The following PTPRD variants were observed in gnomAD, a reference collection of about 807,000 sequenced individuals.
PTPRD encodes receptor-type tyrosine-protein phosphatase delta.
A neutral mutation model predicts 214.5 loss-of-function variants in PTPRD; 34 were observed. That is an observed-to-expected ratio of 0.16 (90% CI 0.12 to 0.21). The LOEUF (loss-of-function observed/expected upper bound fraction) is 0.21, where lower values mean the gene tolerates loss of function less well. Among genes scored for constraint, PTPRD ranks in the 10% least tolerant of loss-of-function variants. The pLI is 1.00. For missense variants in PTPRD, 2,545 were observed against 2,398.7 expected (o/e 1.06, Z -1.27); for synonymous variants, 1,128 against 845.7 (o/e 1.33, Z -5.79).
chr9:9,368,826 C>G (rs2058613150), intron 9 of PTPRD, among the ~76,000 whole-genome samples: 1 of 151,730 alleles, frequency 6.6e-6, no homozygotes, highest in Non-Finnish European at 1.5e-5. Context: ...TACATGTGTA[C>G]ACATGTGCCA....
At chr9:8,705,479 AGGT>A (rs2098186259) in intron 12 of PTPRD, among the ~76,000 whole-genome samples, 1 of 152,224 alleles carries the variant, frequency 6.6e-6, no homozygotes, top group Non-Finnish European at 1.5e-5. Flanking sequence ...CCAGAAGTTA[AGGT>A]ATCAAGTAAT....
At chr9:8,880,679 C>T (rs1462157169) in intron 11 of PTPRD, among the ~76,000 whole-genome samples, 3 of 151,906 alleles carry the variant, frequency 2.0e-5, no homozygotes, top group Admixed American at 6.6e-5. Context: ...GAGCAAGAAG[C>T]GATTATTCAT....
intron 2 of PTPRD, among the ~76,000 whole-genome samples, chr9:10,479,491 A>T (rs1409815002): frequency 1.3e-5 from 2 of 152,242 alleles, no homozygotes; most frequent in East Asian, 3.9e-4. Context: ...TTTAAACCAC[A>T]CATTTTGAAG....
intron 2 of PTPRD, among the ~76,000 whole-genome samples, chr9:10,577,998 G>A (rs1220677031): frequency 4.7e-5 from 7 of 149,440 alleles, no homozygotes; most frequent in Non-Finnish European, 1.0e-4. Flanking sequence ...TGCAACCTCC[G>A]CCTCCCAGGT....
intron 3 of PTPRD, among the ~76,000 whole-genome samples, chr9:10,140,461 G>C (rs2382194): frequency 0.25 from 37,802 of 151,150 alleles, 4,928 homozygotes; most frequent in South Asian, 0.41. Context: ...TCAGAGAATA[G>C]TATAAACACC....
intron 5 of PTPRD, among the ~76,000 whole-genome samples, chr9:9,920,102 A>G (rs1424679483): frequency 6.6e-6 from 1 of 152,156 alleles, no homozygotes; most frequent in East Asian, 1.9e-4. Context: ...TAAGTTTTAC[A>G]TTTAAATCAG....
At chr9:8,353,872 A>G (rs1220040711) in intron 39 of PTPRD, among the ~76,000 whole-genome samples, 1 of 145,864 alleles carries the variant, frequency 6.9e-6, no homozygotes, top group South Asian at 2.1e-4. Context: ...ATATGTATAT[A>G]TGTATATATG....
At chr9:9,742,383 T>C (rs977495398) in intron 6 of PTPRD, among the ~76,000 whole-genome samples, 12 of 152,144 alleles carry the variant, frequency 7.9e-5, no homozygotes, top group Non-Finnish European at 1.8e-4. Context: ...TCACCTTTCG[T>C]AGAGAAATGT....
chr9:10,110,280 A>C (rs532236143), intron 3 of PTPRD, among the ~76,000 whole-genome samples: 49 of 152,280 alleles, frequency 3.2e-4, no homozygotes, highest in Non-Finnish European at 4.9e-4. Context: ...TTGGAATTTC[A>C]TTCTCTACCA....
chr9:9,569,308 C>G (rs1477860518), intron 8 of PTPRD, among the ~76,000 whole-genome samples: 1 of 151,466 alleles, frequency 6.6e-6, no homozygotes, highest in Non-Finnish European at 1.5e-5. Context: ...AAGGGAAGAA[C>G]TGAGCCACAA....
chr9:10,307,696 C>T (rs1047363157), intron 3 of PTPRD, among the ~76,000 whole-genome samples: 3 of 151,954 alleles, frequency 2.0e-5, no homozygotes, highest in Non-Finnish European at 4.4e-5. Context: ...CCCTTAAATA[C>T]TGGATGTAAA....
chr9:8,621,466 C>CAAACCCCAGTCGTACTGGGCA (rs780035237), intron 14 of PTPRD, among the ~76,000 whole-genome samples: 1 of 151,928 alleles, frequency 6.6e-6, no homozygotes, highest in Admixed American at 6.6e-5. Flanking sequence ...AAGATTGGCT[C>CAAACCCCAGTCGTACTGGGCA]AAACCCCAGT....
chr9:10,583,979 G>C (rs2073017984), intron 2 of PTPRD, among the ~76,000 whole-genome samples: 1 of 152,116 alleles, frequency 6.6e-6, no homozygotes, highest in South Asian at 2.1e-4. Flanking sequence ...AGGTACACCA[G>C]TAACAATTCT....
chr9:9,187,597 T>C (rs1055834447), intron 9 of PTPRD, among the ~76,000 whole-genome samples: 1 of 151,958 alleles, frequency 6.6e-6, no homozygotes, highest in African/African-American at 2.4e-5. Context: ...TGCTTCCCTC[T>C]CTTTCCCTCT....
intron 8 of PTPRD, among the ~76,000 whole-genome samples, chr9:9,521,350 CACTT>C (rs2096967266): frequency 6.6e-6 from 1 of 152,240 alleles, no homozygotes; most frequent in South Asian, 2.1e-4. Flanking sequence ...ACTTAGTAAA[CACTT>C]ACAATCCATT....
chr9:8,993,478 G>A (rs1254464905), intron 11 of PTPRD, among the ~76,000 whole-genome samples: 1 of 151,960 alleles, frequency 6.6e-6, no homozygotes, highest in African/African-American at 2.4e-5. Flanking sequence ...TTGAAAATTT[G>A]TTTGTTTCTA....
chr9:8,382,895 C>G (rs140057023), intron 37 of PTPRD, among the ~76,000 whole-genome samples: 1 of 152,190 alleles, frequency 6.6e-6, no homozygotes, highest in Admixed American at 6.5e-5. Flanking sequence ...CGGCCTTTGG[C>G]GCTTCCAGTT....
chr9:8,315,603 G>C lies in PTPRD; in HGVS notation c.*2271C>G, dbSNP rs183006249. On this transcript the variant is annotated 3_prime_UTR_variant, in exon 46 of 46. Coordinates refer to ENST00000381196, the MANE Select transcript of PTPRD (RefSeq NM_002839.4). The stretch of plus-strand genomic sequence containing the variant: ...TGTAGGTTAGAGAGTCTCATTCTGA[G>C]GTAGCCTTCTAGATACTTTTTTTTA... The C allele has an allele frequency of 4.3e-6, 1 of 230,116 alleles. No homozygotes were observed. Among genetic ancestry groups the C allele is most frequent in the African/African-American group, 2.2e-5 (1 of 45,202 alleles). 14.3% of individuals were successfully genotyped at this position (230,116 alleles called of 1,614,324 possible).
intron 3 of PTPRD, among the ~76,000 whole-genome samples, chr9:10,330,056 T>C (rs1728921440): frequency 6.6e-6 from 1 of 151,888 alleles, no homozygotes; most frequent in African/African-American, 2.4e-5. Flanking sequence ...CTTTTTTTTC[T>C]GAAAATTGTG....
Sources: allele counts gnomAD v4.1 joint callset (sites outside exome capture counted in the v4.1 genomes callset), GRCh38; gene constraint gnomAD v4.1.1; transcripts MANE v1.5; gene names NCBI Gene and HGNC (gene_info 2026-07-23, HGNC 2026-07-21).